Variants in ATP11A observed in about 807,000 individuals in gnomAD.
The protein encoded by ATP11A is ATPase phospholipid transporting 11A.
In ATP11A, 81 loss-of-function variants were observed where a neutral mutation model predicts 154.4. That is an observed-to-expected ratio of 0.52 (90% CI 0.44 to 0.63). The LOEUF (loss-of-function observed/expected upper bound fraction) is 0.63. ATP11A is among the 30% of genes least tolerant of loss of function. ATP11A has a pLI of 0.00. For missense variants in ATP11A, 1,316 were observed against 1,474.3 expected (o/e 0.89, Z 1.76); for synonymous variants, 623 against 585.9 (o/e 1.06, Z -0.91).
chr13:112,742,616 T>C (rs898460730), intron 1 of ATP11A, among the ~76,000 whole-genome samples: 1 of 152,258 alleles, frequency 6.6e-6, no homozygotes, highest in African/African-American at 2.4e-5. Context: ...CTACCGCTTA[T>C]GCCAGCTACC....
At chr13:112,728,747 T>C (rs1424886091) in intron 1 of ATP11A, among the ~76,000 whole-genome samples, 1 of 152,194 alleles carries the variant, frequency 6.6e-6, no homozygotes, top group Non-Finnish European at 1.5e-5. Flanking sequence ...GACCTTTAAC[T>C]ACAAATATTC....
rs543665347 is a variant in ATP11A at position 112,765,957 on chromosome 13, G to A, written c.40-19178G>A. ...GCTTCCTTGCAGGCCGGTGTCCGGCGTTGATCCTTTAACTGACCATGGGCA... is the reference window on the plus strand; with the variant it reads ...GCTTCCTTGCAGGCCGGTGTCCGGCATTGATCCTTTAACTGACCATGGGCA... On this transcript the variant is annotated intron_variant, in intron 1 of 29. Coordinates refer to ENST00000375645, the MANE Select transcript of ATP11A (RefSeq NM_015205.3). Among the ~76,000 whole-genome samples, 110 of 152,382 alleles carry A rather than the reference G, an allele frequency of 7.2e-4. 1 individual carries two copies. Among genetic ancestry groups the A allele is most frequent in the African/African-American group, 2.0e-3 (84 of 41,588 alleles).
chr13:112,699,304 C>G (rs1886239000), intron 1 of ATP11A, among the ~76,000 whole-genome samples: 1 of 152,124 alleles, frequency 6.6e-6, no homozygotes, highest in Non-Finnish European at 1.5e-5. Flanking sequence ...CACCCTCTAC[C>G]CCGTTTGGCA....
At chr13:112,874,686 G>T (rs1044736838) in intron 27 of ATP11A, among the ~76,000 whole-genome samples, 1 of 152,206 alleles carries the variant, frequency 6.6e-6, no homozygotes, top group Non-Finnish European at 1.5e-5. Context: ...CGTTCAGCCA[G>T]CGGCCCCTGG....
chr13:112,718,612 G>A (rs1441212517), intron 1 of ATP11A, among the ~76,000 whole-genome samples: 1 of 152,102 alleles, frequency 6.6e-6, no homozygotes, highest in Non-Finnish European at 1.5e-5. Context: ...GATTGTCACT[G>A]GGTCCTGGAT....
At chr13:112,818,174 G>A (rs996256953) in intron 6 of ATP11A, among the ~76,000 whole-genome samples, 1 of 150,196 alleles carries the variant, frequency 6.7e-6, no homozygotes, top group South Asian at 2.1e-4. Flanking sequence ...TGGTGACAGG[G>A]CGGTGACCGT....
intron 1 of ATP11A, among the ~76,000 whole-genome samples, chr13:112,766,176 A>C (rs945307411): frequency 1.3e-5 from 2 of 152,150 alleles, no homozygotes; most frequent in Non-Finnish European, 2.9e-5. Context: ...CGGACTTCTT[A>C]TTCTTCCGAC....
At chr13:112,855,003 G>A (rs2079880873) in intron 19 of ATP11A, among the ~76,000 whole-genome samples, 1 of 152,142 alleles carries the variant, frequency 6.6e-6, no homozygotes, top group Admixed American at 6.5e-5. Flanking sequence ...ACATTTTATC[G>A]ATGCTGTCCT....
chr13:112,770,899 G>A (rs1206403390), intron 1 of ATP11A, among the ~76,000 whole-genome samples: 2 of 152,240 alleles, frequency 1.3e-5, no homozygotes, highest in Non-Finnish European at 2.9e-5. Context: ...AGAACAAGAA[G>A]TGGCTGTGTC....
At chr13:112,712,231 G>A (rs1441058062) in intron 1 of ATP11A, among the ~76,000 whole-genome samples, 1 of 152,194 alleles carries the variant, frequency 6.6e-6, no homozygotes, top group East Asian at 1.9e-4. Context: ...TTCCCCAGGA[G>A]TAAACAATGT....
At chr13:112,863,104 C>T (rs1315816207) in intron 25 of ATP11A, among the ~76,000 whole-genome samples, 1 of 145,702 alleles carries the variant, frequency 6.9e-6, no homozygotes, top group Non-Finnish European at 1.5e-5. Flanking sequence ...CAGCGTAGCA[C>T]ATGCAGTTTC....
At chr13:112,694,899 A>C (rs1360560430) in intron 1 of ATP11A, among the ~76,000 whole-genome samples, 1 of 152,204 alleles carries the variant, frequency 6.6e-6, no homozygotes, top group Non-Finnish European at 1.5e-5. Flanking sequence ...AAGCAGTGCT[A>C]TATTAGAGTG....
chr13:112,800,099 A>G (rs1265712662), intron 2 of ATP11A, among the ~76,000 whole-genome samples: 1 of 152,230 alleles, frequency 6.6e-6, no homozygotes, highest in Non-Finnish European at 1.5e-5. Flanking sequence ...TCCAAAATCT[A>G]CAAGCTTCAA....
intron 2 of ATP11A, among the ~76,000 whole-genome samples, chr13:112,803,721 T>TCCCTCCTTCACCTCCCTCTCCCCATC (rs2078201249): frequency 8.4e-6 from 1 of 118,802 alleles, no homozygotes; most frequent in Non-Finnish European, 1.7e-5. Context: ...TTCCCCTCCT[T>TCCCTCCTTCACCTCCCTCTCCCCATC]CCCTCCCTGA....
chr13:112,783,008 GTC>G (rs1359684121), intron 1 of ATP11A, among the ~76,000 whole-genome samples: 1 of 152,220 alleles, frequency 6.6e-6, no homozygotes, highest in Non-Finnish European at 1.5e-5. Context: ...GACTGCTGTG[GTC>G]TCTTTCCGTT....
chr13:112,818,826 GC>G (rs1025067110), intron 6 of ATP11A, among the ~76,000 whole-genome samples: 2 of 152,232 alleles, frequency 1.3e-5, no homozygotes, highest in Admixed American at 1.3e-4. Flanking sequence ...GGCTTGAGGA[GC>G]CCCCCGGCCC....
chr13:112,862,455 T>G lies in ATP11A; in HGVS notation c.2871T>G (p.Asn957Lys), dbSNP rs1299486653. The change falls in exon 25 of 30, where the codon AAT becomes AAG. Residue 957 changes from asparagine to lysine, a missense_variant. This residue lies in a region of ATP11A where 294 missense variants were observed against 290.2 expected (regional missense o/e 1.01). Transcript: ENST00000375645. ...DPTLYRDVAK[N>K]ALLRWRVFIY... ...TCCTCACCAGGGACGTCGCCAAGAA[T>G]GCCCTGCTGCGCTGGCGCGTGTTCA... 6.2e-7 allele frequency: 1 copy of G among 1,613,902 alleles called. No individual in the cohort carries two copies. The highest frequency in any genetic ancestry group is 8.5e-7 in the Non-Finnish European group (1 of 1,180,006).
At chr13:112,846,055 C>A (rs1374082194) in intron 17 of ATP11A, among the ~76,000 whole-genome samples, 1 of 152,166 alleles carries the variant, frequency 6.6e-6, no homozygotes, top group African/African-American at 2.4e-5. Context: ...TCCTGGGGAC[C>A]CTCCTGTCAG....
intron 1 of ATP11A, among the ~76,000 whole-genome samples, chr13:112,713,974 GCTTCCATTC>G: frequency 2.1e-5 from 1 of 48,590 alleles, no homozygotes; most frequent in Non-Finnish European, 4.2e-5. Flanking sequence ...TTCCCACCCA[GCTTCCATTC>G]CTGGCCCCAG....
Sources: gnomAD v4.1 joint callset for allele counts (sites outside exome capture counted in the v4.1 genomes callset) on GRCh38, gnomAD v4.1.1 for gene constraint, gnomAD v4.1.1 regional missense constraint, MANE v1.5 for transcripts, NCBI Gene and HGNC (gene_info 2026-07-23, HGNC 2026-07-21) for gene names.